Variants in MOXD1 observed in about 807,000 individuals in gnomAD.
MOXD1 encodes the protein monooxygenase DBH like 1.
In MOXD1, 62 loss-of-function variants were observed where a neutral mutation model predicts 66.6. The observed-to-expected ratio is 0.93, with a 90% CI of 0.76 to 1.15. MOXD1 has a LOEUF of 1.15. Among genes scored for constraint, MOXD1 ranks in the 50% most tolerant of loss-of-function variants. The pLI is 0.00. For missense variants in MOXD1, 847 were observed against 754.6 expected, an observed-to-expected ratio of 1.12 and a Z score of -1.44; for synonymous variants, 303 against 281.9, an observed-to-expected ratio of 1.07 and a Z score of -0.75.
At chr6:132,342,411 T>C (rs1314477094) in intron 4 of MOXD1, among the ~76,000 whole-genome samples, 1 of 152,286 alleles carries the variant, frequency 6.6e-6, no homozygotes, top group Non-Finnish European at 1.5e-5. Context: ...TTATCACATA[T>C]GTAACTTTTT....
rs148191498 is a variant in MOXD1 at position 132,372,955 on chromosome 6, C to A, written c.454G>T (p.Ala152Ser). 9.3e-6 allele frequency: 15 copies of A among 1,613,972 alleles called. No homozygotes were observed. The highest frequency in any genetic ancestry group is 1.3e-5 in the Non-Finnish European group (15 of 1,179,874). The part of the protein sequence containing the change: ...RVIWAYHHED[A>S]GEAGPKYHDS... ...TGGTACTTGGGACCAGCTTCTCCTG[C>A]ATCTTCATGGTGGTAGGCCCAGATC... Residue 152 changes from alanine (A) to serine (S), a missense_variant, in exon 3 of 12, where the codon GCA becomes TCA. By Grantham distance (99) the Ala-to-Ser change is moderately conservative. Transcript: ENST00000367963.
chr6:132,309,676 G>C (rs1774779617), intron 10 of MOXD1, among the ~76,000 whole-genome samples: 1 of 151,560 alleles, frequency 6.6e-6, no homozygotes, highest in Non-Finnish European at 1.5e-5. Context: ...AACAGACATG[G>C]AGCAGAACAA....
At chr6:132,330,191 G>A (rs960099664) in intron 4 of MOXD1, among the ~76,000 whole-genome samples, 17 of 152,168 alleles carry the variant, frequency 1.1e-4, no homozygotes, top group Admixed American at 9.2e-4. Flanking sequence ...CTGGTCCGTG[G>A]CCTGTTAGGA....
At chr6:132,319,159 G>C (rs1775021536) in intron 9 of MOXD1, among the ~76,000 whole-genome samples, 1 of 151,774 alleles carries the variant, frequency 6.6e-6, no homozygotes, top group Admixed American at 6.6e-5. Context: ...GTAAATTTTA[G>C]AATCAACTTG....
chr6:132,351,764 CT>C (rs1249950944), intron 4 of MOXD1, among the ~76,000 whole-genome samples: 3 of 152,202 alleles, frequency 2.0e-5, no homozygotes, highest in South Asian at 2.1e-4. Flanking sequence ...TGGCCCCGGA[CT>C]TTTTTATTGT....
At chr6:132,361,808 A>C (rs971877666) in intron 4 of MOXD1, among the ~76,000 whole-genome samples, 1 of 152,206 alleles carries the variant, frequency 6.6e-6, no homozygotes, top group Non-Finnish European at 1.5e-5. Flanking sequence ...ATTTTTCTTC[A>C]TAAAAGAGAT....
At chr6:132,361,894 C>G (rs187949558) in intron 4 of MOXD1, among the ~76,000 whole-genome samples, 1 of 152,120 alleles carries the variant, frequency 6.6e-6, no homozygotes, top group East Asian at 1.9e-4. Context: ...CAAAGAAAGT[C>G]TTGATACCTT....
chr6:132,381,936 A>G (rs1272073830), intron 1 of MOXD1, among the ~76,000 whole-genome samples: 2 of 152,216 alleles, frequency 1.3e-5, no homozygotes, highest in East Asian at 3.9e-4. Flanking sequence ...CCCACTCCTC[A>G]TTTTATTTAG....
At chr6:132,392,381 G>T (rs1417628871) in intron 1 of MOXD1, 3 of 1,509,632 alleles carry the variant, frequency 2.0e-6, no homozygotes, top group Non-Finnish European at 2.7e-6. Flanking sequence ...CAATTTTCAT[G>T]CAAATTCAAC....
intron 4 of MOXD1, among the ~76,000 whole-genome samples, chr6:132,349,885 G>T (rs372984414): frequency 6.6e-6 from 1 of 152,040 alleles, no homozygotes; most frequent in African/African-American, 2.4e-5. Flanking sequence ...GATGTTGAGC[G>T]TTTTTTCAAA....
chr6:132,351,494 C>T (rs1775802617), intron 4 of MOXD1, among the ~76,000 whole-genome samples: 1 of 152,150 alleles, frequency 6.6e-6, no homozygotes, highest in African/African-American at 2.4e-5. Context: ...ATGAAACCCA[C>T]TTGATCATGG....
intron 4 of MOXD1, among the ~76,000 whole-genome samples, chr6:132,361,566 G>T (rs1233306886): frequency 6.6e-6 from 1 of 151,978 alleles, no homozygotes; most frequent in Non-Finnish European, 1.5e-5. Flanking sequence ...GCAATCTCCT[G>T]GGAAATTTTA....
intron 1 of MOXD1, 21 bp downstream of exon 1, chr6:132,401,142 T>C: frequency 1.3e-6 from 2 of 1,482,906 alleles, no homozygotes; most frequent in Non-Finnish European, 1.8e-6. Context: ...CCGGGCGGGC[T>C]CCGGGAGGAG....
chr6:132,371,822 A>G (rs1776268166), intron 4 of MOXD1, among the ~76,000 whole-genome samples: 1 of 152,198 alleles, frequency 6.6e-6, no homozygotes, highest in South Asian at 2.1e-4. Context: ...ACAGAAAGGC[A>G]GCAACATCTG....
At chr6:132,340,213 T>C (rs532284368) in intron 4 of MOXD1, among the ~76,000 whole-genome samples, 8 of 152,192 alleles carry the variant, frequency 5.3e-5, no homozygotes, top group Non-Finnish European at 1.0e-4. Flanking sequence ...ATCATGAACC[T>C]CTAGGCTAAG....
chr6:132,345,973 G>C (rs1353122969), intron 4 of MOXD1, among the ~76,000 whole-genome samples: 2 of 151,650 alleles, frequency 1.3e-5, no homozygotes, highest in Non-Finnish European at 2.9e-5. Flanking sequence ...AACATTTTCT[G>C]TTTCTCTGGA....
intron 10 of MOXD1, among the ~76,000 whole-genome samples, chr6:132,305,647 G>A (rs529040453): frequency 6.6e-6 from 1 of 152,360 alleles, no homozygotes; most frequent in South Asian, 2.1e-4. Flanking sequence ...AGAAGAAGGA[G>A]TAGGCACTCA....
At chr6:132,365,126 G>GTGT (rs34662904) in intron 4 of MOXD1, among the ~76,000 whole-genome samples, 35,100 of 151,958 alleles carry the variant, frequency 0.23, 4,494 homozygotes, top group African/African-American at 0.35. Flanking sequence ...AAAAAAGTGA[G>GTGT]TGTTGTATAG....
At chr6:132,385,018 AG>A (rs879629312) in intron 1 of MOXD1, among the ~76,000 whole-genome samples, 15 of 152,104 alleles carry the variant, frequency 9.9e-5, no homozygotes, top group African/African-American at 3.4e-4. Flanking sequence ...CACTGGAGAG[AG>A]GTGGGCAGGT....
Sources: gnomAD v4.1 joint callset for allele counts (sites outside exome capture counted in the v4.1 genomes callset) on GRCh38, gnomAD v4.1.1 for gene constraint, MANE v1.5 for transcripts, NCBI Gene and HGNC (gene_info 2026-07-23, HGNC 2026-07-21) for gene names.